The following AGBL4 variants were observed in gnomAD, a reference collection of about 807,000 sequenced individuals.
The protein encoded by AGBL4 is AGBL carboxypeptidase 4.
Under a neutral mutation model 66.4 loss-of-function variants are expected in AGBL4, and 58 were observed. That is an observed-to-expected ratio of 0.87 (90% CI 0.71 to 1.09). AGBL4 has a LOEUF of 1.09. AGBL4 is among the 50% of genes least tolerant of loss of function. The pLI is 0.00. For missense variants in AGBL4, 579 were observed against 631.0 expected, an observed-to-expected ratio of 0.92 and a Z score of 0.88; for synonymous variants, 234 against 222.9, an observed-to-expected ratio of 1.05 and a Z score of -0.44.
chr1:49,623,117 A>AGAT (rs1645399438), intron 3 of AGBL4, among the ~76,000 whole-genome samples: 1 of 152,196 alleles, frequency 6.6e-6, no homozygotes, highest in Non-Finnish European at 1.5e-5. Context: ...AAAGAGAAAT[A>AGAT]GATGCAACAT....
At chr1:49,437,953 T>C (rs769989630) in intron 3 of AGBL4, among the ~76,000 whole-genome samples, 2 of 152,182 alleles carry the variant, frequency 1.3e-5, no homozygotes, top group Non-Finnish European at 2.9e-5. Flanking sequence ...ATGTTCACAA[T>C]TGGATTTTAT....
intron 2 of AGBL4, among the ~76,000 whole-genome samples, chr1:49,780,549 T>C (rs1432388256): frequency 6.6e-6 from 1 of 152,028 alleles, no homozygotes; most frequent in East Asian, 1.9e-4. Context: ...AATTGTTGGG[T>C]TTGTAATGCC....
At chr1:49,715,576 C>T (rs1648051222) in intron 2 of AGBL4, among the ~76,000 whole-genome samples, 1 of 152,184 alleles carries the variant, frequency 6.6e-6, no homozygotes, top group South Asian at 2.1e-4. Flanking sequence ...TTTACACTCC[C>T]ACCAACAGTG....
chr1:49,654,012 C>T (rs1023695722), intron 3 of AGBL4, among the ~76,000 whole-genome samples: 4 of 152,040 alleles, frequency 2.6e-5, no homozygotes, highest in African/African-American at 9.7e-5. Context: ...AACCCCAAGA[C>T]ACATAATCAT....
intron 6 of AGBL4, among the ~76,000 whole-genome samples, chr1:48,797,143 C>A (rs1425888806): frequency 6.6e-6 from 1 of 152,168 alleles, no homozygotes; most frequent in South Asian, 2.1e-4. Context: ...AAATGTTAAC[C>A]TTTCATATCT....
intron 1 of AGBL4, 32 bp from the exon 2 acceptor site, chr1:49,851,550 T>C: frequency 3.2e-6 from 5 of 1,542,336 alleles, no homozygotes; most frequent in Non-Finnish European, 4.4e-6. Flanking sequence ...AAAGTCAAAG[T>C]ATATTCGGCA....
intron 4 of AGBL4, among the ~76,000 whole-genome samples, chr1:49,184,055 G>T (rs1646973575): frequency 6.6e-6 from 1 of 152,078 alleles, no homozygotes; most frequent in African/African-American, 2.4e-5. Context: ...TTGATCTTTA[G>T]CAATTATTCC....
At chr1:48,763,322 G>A (rs907495827) in intron 6 of AGBL4, among the ~76,000 whole-genome samples, 2 of 152,178 alleles carry the variant, frequency 1.3e-5, no homozygotes, top group Admixed American at 1.3e-4. Context: ...AATGGGTTAG[G>A]CATGAACAAC....
chr1:49,717,732 T>C (rs758096856), intron 2 of AGBL4, among the ~76,000 whole-genome samples: 1 of 152,100 alleles, frequency 6.6e-6, no homozygotes, highest in Non-Finnish European at 1.5e-5. Flanking sequence ...TTTATTGTTA[T>C]ATCGGCAGCA....
At position 48,727,895 on chromosome 1, in the gene AGBL4, A is replaced by G. The variant is rs772262206; in HGVS notation, c.635-64654T>C. 16 of 1,602,602 alleles carry G rather than the reference A, an allele frequency of 1.0e-5. No homozygotes were observed. The Admixed American group carries it at 2.6e-4, about 26-fold the overall frequency. ...ATGAAAAATCCAAAGTTTATTGCAA[A>G]TTGTATTTTGCTTCCCTTCGTTCTT... On this transcript the variant is annotated intron_variant, in intron 6 of 13. Transcript: ENST00000371839.
At position 48,866,215 on chromosome 1, in the gene AGBL4, A is replaced by G. The variant is rs527673558; in HGVS notation, c.634+976T>C. Among the ~76,000 whole-genome samples the G allele has an allele frequency of 6.6e-5, 10 of 152,304 alleles. No homozygotes were observed. In the South Asian group the frequency reaches 8.3e-4, roughly 13 times the overall value. ...CTCTTTGAAAGTGAGGCACTGGCCC[A>G]TGGATACAGCATGGTAGGCTTTGTG... On this transcript the variant is annotated intron_variant, in intron 6 of 13. Transcript: ENST00000371839.
intron 3 of AGBL4, among the ~76,000 whole-genome samples, chr1:49,393,737 T>C (rs1006141197): frequency 2.6e-5 from 4 of 152,194 alleles, no homozygotes; most frequent in Non-Finnish European, 4.4e-5. Flanking sequence ...GAGGGAAATG[T>C]TCACTAAGTG....
At chr1:48,966,799 A>G (rs565221425) in intron 5 of AGBL4, among the ~76,000 whole-genome samples, 7 of 152,216 alleles carry the variant, frequency 4.6e-5, no homozygotes, top group African/African-American at 1.7e-4. Context: ...CTGAATGTTT[A>G]AAGGCATCTT....
At chr1:49,260,052 T>C (rs1289946179) in intron 3 of AGBL4, among the ~76,000 whole-genome samples, 1 of 150,760 alleles carries the variant, frequency 6.6e-6, no homozygotes, top group African/African-American at 2.4e-5. Context: ...TGCTCCTGAA[T>C]GACTACTGGG....
intron 5 of AGBL4, among the ~76,000 whole-genome samples, chr1:49,038,636 G>A (rs545075827): frequency 2.2e-4 from 34 of 152,008 alleles, no homozygotes; most frequent in Admixed American, 5.9e-4. Flanking sequence ...AATGCAAATC[G>A]AAACAACAAT....
intron 3 of AGBL4, among the ~76,000 whole-genome samples, chr1:49,554,853 C>T (rs753106128): frequency 2.6e-5 from 4 of 151,966 alleles, no homozygotes; most frequent in African/African-American, 4.8e-5. Flanking sequence ...GTGAGTGTTA[C>T]AGCTCTTAAA....
chr1:49,921,822 C>T (rs572088412), intron 1 of AGBL4, among the ~76,000 whole-genome samples: 19 of 152,298 alleles, frequency 1.2e-4, no homozygotes, highest in Middle Eastern at 3.4e-3. Flanking sequence ...GCTCTGGCGG[C>T]GCTGGCAGCC....
At chr1:48,546,745 T>G (rs562580555) in intron 11 of AGBL4, among the ~76,000 whole-genome samples, 1 of 152,214 alleles carries the variant, frequency 6.6e-6, no homozygotes, top group East Asian at 1.9e-4. Flanking sequence ...ATGTTTATTA[T>G]GTTCAGGCTT....
intron 3 of AGBL4, among the ~76,000 whole-genome samples, chr1:49,269,956 G>C (rs1644018136): frequency 6.6e-6 from 1 of 152,114 alleles, no homozygotes; most frequent in Non-Finnish European, 1.5e-5. Context: ...CTGCAGTTAA[G>C]GGAACCTAGG....
Sources: gnomAD v4.1 joint callset for allele counts (sites outside exome capture counted in the v4.1 genomes callset) on GRCh38, gnomAD v4.1.1 for gene constraint, MANE v1.5 for transcripts, NCBI Gene and HGNC (gene_info 2026-07-23, HGNC 2026-07-21) for gene names.